QTMAN: variants seen among roughly 807,000 people sequenced by gnomAD.
QTMAN encodes the protein queuosine-tRNA mannosyltransferase, also known as tRNA-queuosine alpha-mannosyltransferase.
the QTMAN span, among the ~76,000 whole-genome samples, chr2:144,093,076 A>C: frequency 2.0e-5 from 3 of 152,198 alleles, no homozygotes; most frequent in African/African-American, 7.2e-5. Context: ...ATTTTTCTTT[A>C]ACACATTCAA....
the QTMAN span, among the ~76,000 whole-genome samples, chr2:144,012,847 T>C: frequency 6.6e-6 from 1 of 152,062 alleles, no homozygotes; most frequent in Non-Finnish European, 1.5e-5. Context: ...TTATTCCATA[T>C]TTGAGCCAGT....
the QTMAN span, among the ~76,000 whole-genome samples, chr2:144,193,429 TAATA>T: frequency 1.3e-5 from 2 of 148,384 alleles, no homozygotes; most frequent in African/African-American, 4.9e-5. Flanking sequence ...ATGTTATATA[TAATA>T]TATATTATGT....
the QTMAN span, among the ~76,000 whole-genome samples, chr2:144,103,220 G>A: frequency 2.6e-5 from 4 of 152,186 alleles, no homozygotes; most frequent in Non-Finnish European, 4.4e-5. Context: ...ACAAACTAGT[G>A]TATTAGATAA....
At chr2:144,241,380 T>A in the QTMAN span, among the ~76,000 whole-genome samples, 1 of 152,184 alleles carries the variant, frequency 6.6e-6, no homozygotes, top group Admixed American at 6.5e-5. Flanking sequence ...TTCCCTCACA[T>A]GCAAAATAAA....
At chr2:143,994,791 A>G in the QTMAN span, among the ~76,000 whole-genome samples, 1 of 152,310 alleles carries the variant, frequency 6.6e-6, no homozygotes, top group South Asian at 2.1e-4. Flanking sequence ...GGTGATGGAA[A>G]TGTTCTAAAA....
the QTMAN span, among the ~76,000 whole-genome samples, chr2:144,182,788 TATATATATATTATATATATA>T: frequency 0.035 from 1,541 of 43,520 alleles, 136 homozygotes; most frequent in Non-Finnish European, 0.044. Context: ...AGGTACATTA[TATATATATATTATATATATA>T]ATATATATAT....
chr2:144,117,489 C>T, the QTMAN span, among the ~76,000 whole-genome samples: 34 of 152,160 alleles, frequency 2.2e-4, no homozygotes, highest in African/African-American at 7.2e-4. Context: ...TTTCAGACTC[C>T]GAAATTAACA....
the QTMAN span, among the ~76,000 whole-genome samples, chr2:143,969,225 T>C: frequency 9.7e-4 from 147 of 152,328 alleles, 1 homozygote; most frequent in Middle Eastern, 6.8e-3. Context: ...AATCCTTCTT[T>C]TCTGGCTATT....
chr2:144,211,287 AC>A, the QTMAN span: 1 of 152,566 alleles, frequency 6.6e-6, no homozygotes, highest in Non-Finnish European at 1.5e-5. Context: ...GTAGATTTCC[AC>A]CCCTCTGACA....
At chr2:144,215,896 A>G in the QTMAN span, among the ~76,000 whole-genome samples, 2 of 152,340 alleles carry the variant, frequency 1.3e-5, no homozygotes, top group Admixed American at 6.5e-5. Context: ...CAAAATGGAA[A>G]TGTGACCATA....
At chr2:143,997,084 A>G in the QTMAN span, among the ~76,000 whole-genome samples, 1 of 152,106 alleles carries the variant, frequency 6.6e-6, no homozygotes, top group Admixed American at 6.6e-5. Flanking sequence ...AGTGGTTTCA[A>G]TGGAGGCAGT....
the QTMAN span, chr2:143,944,606 C>CT: frequency 6.6e-6 from 1 of 152,310 alleles, no homozygotes; most frequent in African/African-American, 2.4e-5. Flanking sequence ...CCATGCCTGG[C>CT]TAATTTTTTT....
At chr2:144,252,267 G>C in the QTMAN span, among the ~76,000 whole-genome samples, 1 of 152,020 alleles carries the variant, frequency 6.6e-6, no homozygotes, top group Admixed American at 6.6e-5. Flanking sequence ...CCCAGTTATT[G>C]GGGAAGCAGA....
At chr2:144,319,632 C>T in the QTMAN span, 124 of 152,206 alleles carry the variant, frequency 8.1e-4, no homozygotes, top group African/African-American at 2.8e-3. Context: ...TGGTGTCACA[C>T]TCTGCCAGTC....
chr2:144,118,548 A>G, the QTMAN span, among the ~76,000 whole-genome samples: 1 of 152,208 alleles, frequency 6.6e-6, no homozygotes, highest in Non-Finnish European at 1.5e-5. Context: ...AAGTTTGGCA[A>G]AAACTATGCT....
At chr2:144,295,971 C>T in the QTMAN span, among the ~76,000 whole-genome samples, 1 of 152,102 alleles carries the variant, frequency 6.6e-6, no homozygotes, top group African/African-American at 2.4e-5. Context: ...CTACACAATA[C>T]ACAAAATAAA....
At chr2:144,308,439 A>G in the QTMAN span, among the ~76,000 whole-genome samples, 1 of 152,136 alleles carries the variant, frequency 6.6e-6, no homozygotes, top group Non-Finnish European at 1.5e-5. Context: ...TGCTGGGATT[A>G]CAGGCGTGAG....
At chr2:144,140,514 A>G in the QTMAN span, among the ~76,000 whole-genome samples, 925 of 152,078 alleles carry the variant, frequency 6.1e-3, 13 homozygotes, top group African/African-American at 0.021. Context: ...TAACTATCAC[A>G]TTTTTCAAAA....
At chr2:144,082,844 C>A in the QTMAN span, among the ~76,000 whole-genome samples, 1 of 152,046 alleles carries the variant, frequency 6.6e-6, no homozygotes, top group East Asian at 1.9e-4. Context: ...CTATGACATT[C>A]ATCAAGCTTG....
Sources: gnomAD v4.1 joint callset for allele counts (sites outside exome capture counted in the v4.1 genomes callset) on GRCh38, gnomAD v4.1.1 for gene constraint, MANE v1.5 for transcripts, NCBI Gene and HGNC (gene_info 2026-07-23, HGNC 2026-07-21) for gene names.